AGBL4: variants seen among roughly 807,000 people sequenced by gnomAD.
The protein encoded by AGBL4 is cytosolic carboxypeptidase 6.
AGBL4 carries 58 observed loss-of-function variants against 66.4 expected under a neutral mutation model. The ratio of observed to expected loss-of-function variants is 0.87; its 90% CI spans 0.71 to 1.09. The LOEUF is 1.09. AGBL4 is among the 50% of genes least tolerant of loss of function. AGBL4 has a pLI of 0.00. For synonymous variants in AGBL4, 234 were observed against 222.9 expected (o/e 1.05, Z -0.44); for missense variants, 579 against 631.0 (o/e 0.92, Z 0.88).
At chr1:48,910,965 G>A (rs563371628) in intron 5 of AGBL4, among the ~76,000 whole-genome samples, 9 of 152,322 alleles carry the variant, frequency 5.9e-5, no homozygotes, top group Non-Finnish European at 7.3e-5. Context: ...AATAAGCACA[G>A]ACCTGCATGT....
chr1:50,023,789 T>G lies in AGBL4; in HGVS notation c.8A>C (p.Glu3Ala), dbSNP rs752155284. 3.2e-6 allele frequency: 5 copies of G among 1,548,958 alleles called. No homozygotes were observed. Among genetic ancestry groups the G allele is most frequent in the Non-Finnish European group, 3.5e-6 (4 of 1,145,962 alleles). Residue 3 changes from glutamate (E) to alanine (A), a missense_variant, in exon 1 of 14, where the codon GAG (glutamate) becomes GCG (alanine). Coordinates refer to ENST00000371839, the MANE Select transcript of AGBL4 (RefSeq NM_032785.4). MA[E>A]GSQSAPEAGN... ...TGCCTCAGGCGCCGACTGGCTCCCC[T>G]CCGCCATTTTTGTTGTCCCTCAGTC...
At chr1:49,812,708 T>C (rs1159679778) in intron 2 of AGBL4, among the ~76,000 whole-genome samples, 1 of 152,194 alleles carries the variant, frequency 6.6e-6, no homozygotes, top group Non-Finnish European at 1.5e-5. Flanking sequence ...CTCCTTCTCC[T>C]GGGTTTCCTT....
chr1:49,595,916 G>T (rs1195929079), intron 3 of AGBL4, among the ~76,000 whole-genome samples: 1 of 152,044 alleles, frequency 6.6e-6, no homozygotes, highest in Non-Finnish European at 1.5e-5. Flanking sequence ...ACTTAAACTG[G>T]ATTCCAATTT....
intron 1 of AGBL4, among the ~76,000 whole-genome samples, chr1:49,965,065 T>C (rs1472748088): frequency 6.6e-6 from 1 of 152,234 alleles, no homozygotes; most frequent in African/African-American, 2.4e-5. Flanking sequence ...TATCCATGAT[T>C]GGGCAAGTTA....
intron 2 of AGBL4, among the ~76,000 whole-genome samples, chr1:49,803,777 T>C (rs1026085064): frequency 6.6e-6 from 1 of 152,220 alleles, no homozygotes; most frequent in African/African-American, 2.4e-5. Context: ...ATCAGTATCA[T>C]AATTATTATT....
chr1:48,818,347 G>A (rs1222184117), intron 6 of AGBL4: 2 of 699,684 alleles, frequency 2.9e-6, no homozygotes, highest in Non-Finnish European at 5.3e-6. Context: ...TTAATTGGGA[G>A]CCATACATGA....
intron 3 of AGBL4, among the ~76,000 whole-genome samples, chr1:49,569,024 G>GT (rs1284585459): frequency 9.2e-5 from 14 of 152,148 alleles, no homozygotes; most frequent in Admixed American, 9.2e-4. Flanking sequence ...GTGATACATA[G>GT]ACACAATGGA....
intron 5 of AGBL4, among the ~76,000 whole-genome samples, chr1:48,925,669 G>T (rs890308040): frequency 6.6e-6 from 1 of 152,152 alleles, no homozygotes; most frequent in Non-Finnish European, 1.5e-5. Flanking sequence ...TAATCTGCAC[G>T]TTTGATACAG....
intron 9 of AGBL4, among the ~76,000 whole-genome samples, chr1:48,597,166 C>A (rs1645006259): frequency 6.6e-6 from 1 of 152,186 alleles, no homozygotes; most frequent in Non-Finnish European, 1.5e-5. Flanking sequence ...GGGATAGCAG[C>A]TCCCTTCCCT....
At chr1:48,535,058 G>A in intron 12 of AGBL4, 142 bp from the exon 13 acceptor site, 2 of 814,522 alleles carry the variant, frequency 2.5e-6, no homozygotes, top group East Asian at 2.7e-5. Context: ...GTTTTTATGG[G>A]GAAAAAGAAG....
intron 2 of AGBL4, among the ~76,000 whole-genome samples, chr1:49,822,310 C>CGTGTGTGT (rs143957066): frequency 1.4e-4 from 20 of 145,794 alleles, no homozygotes; most frequent in African/African-American, 3.8e-4. Flanking sequence ...CTTCTTTCTT[C>CGTGTGTGT]GTGTGTGTGT....
At chr1:49,699,818 T>A (rs941090027) in intron 2 of AGBL4, among the ~76,000 whole-genome samples, 1 of 152,020 alleles carries the variant, frequency 6.6e-6, no homozygotes, top group East Asian at 1.9e-4. Context: ...CTAGAGATCA[T>A]GTACAGCATG....
intron 4 of AGBL4, among the ~76,000 whole-genome samples, chr1:49,171,677 T>C (rs1399762489): frequency 6.6e-6 from 1 of 152,188 alleles, no homozygotes; most frequent in Non-Finnish European, 1.5e-5. Flanking sequence ...GTATGATCAA[T>C]GACTGTAATG....
chr1:49,446,100 C>T (rs1051314269), intron 3 of AGBL4, among the ~76,000 whole-genome samples: 4 of 152,166 alleles, frequency 2.6e-5, no homozygotes, highest in African/African-American at 9.7e-5. Context: ...GATCTGCCAC[C>T]TCGGCCTCCC....
chr1:49,482,771 A>G (rs943459622), intron 3 of AGBL4, among the ~76,000 whole-genome samples: 1 of 152,046 alleles, frequency 6.6e-6, no homozygotes, highest in African/African-American at 2.4e-5. Context: ...GCTATAAATC[A>G]TCCTCTCAAA....
intron 5 of AGBL4, among the ~76,000 whole-genome samples, chr1:49,018,392 A>G (rs188722887): frequency 2.0e-3 from 306 of 152,264 alleles, no homozygotes; most frequent in Middle Eastern, 3.4e-3. Context: ...GTCTGAACCT[A>G]AACCTGGCAA....
intron 9 of AGBL4, among the ~76,000 whole-genome samples, chr1:48,623,651 C>G (rs1645452282): frequency 6.6e-6 from 1 of 152,244 alleles, no homozygotes; most frequent in African/African-American, 2.4e-5. Context: ...TCAATGGCAA[C>G]AAGCAAAAAT....
At chr1:49,230,371 C>T (rs958997439) in intron 4 of AGBL4, among the ~76,000 whole-genome samples, 3 of 152,134 alleles carry the variant, frequency 2.0e-5, no homozygotes, top group Admixed American at 1.3e-4. Flanking sequence ...ACCCAAATGC[C>T]CTCTCAAGAA....
intron 4 of AGBL4, among the ~76,000 whole-genome samples, chr1:49,096,228 T>G (rs1421134485): frequency 3.9e-5 from 6 of 151,960 alleles, no homozygotes; most frequent in Non-Finnish European, 7.4e-5. Context: ...GGAACACTTT[T>G]ACACTGTTGG....
Sources: gnomAD v4.1 joint callset for allele counts (sites outside exome capture counted in the v4.1 genomes callset) on GRCh38, gnomAD v4.1.1 for gene constraint, MANE v1.5 for transcripts, NCBI Gene and HGNC (gene_info 2026-07-23, HGNC 2026-07-21) for gene names.